FIBCD1: variants seen among roughly 807,000 people sequenced by gnomAD.
FIBCD1 encodes the protein fibrinogen C domain-containing protein 1.
A neutral mutation model predicts 45.1 loss-of-function variants in FIBCD1; 47 were observed. The observed-to-expected ratio is 1.04, with a 90% CI of 0.82 to 1.33. The LOEUF (loss-of-function observed/expected upper bound fraction) is 1.33. FIBCD1 is among the 40% of genes most tolerant of loss of function. FIBCD1 has a pLI of 0.00. For synonymous variants in FIBCD1, 313 were observed against 308.1 expected, an observed-to-expected ratio of 1.02 and a Z score of -0.17; for missense variants, 653 against 682.2, an observed-to-expected ratio of 0.96 and a Z score of 0.48.
At chr9:130,917,463 TGACAGCTCTGGACGC>T (rs1564336504) in intron 4 of FIBCD1, among the ~76,000 whole-genome samples, 68 of 147,708 alleles carry the variant, frequency 4.6e-4, no homozygotes, top group African/African-American at 1.8e-3. Context: ...GAGGAAGGAG[TGACAGCTCTGGACGC>T]GGAGGAAGGA....
At chr9:130,927,378 C>T (rs1832378750) in intron 2 of FIBCD1, among the ~76,000 whole-genome samples, 1 of 152,176 alleles carries the variant, frequency 6.6e-6, no homozygotes, top group Non-Finnish European at 1.5e-5. Flanking sequence ...GAGTATCCCC[C>T]ACGTGACAGA....
At chr9:130,932,805 C>T (rs933801424) in intron 1 of FIBCD1, among the ~76,000 whole-genome samples, 1 of 152,222 alleles carries the variant, frequency 6.6e-6, no homozygotes, top group Non-Finnish European at 1.5e-5. Flanking sequence ...GATTTCCTTC[C>T]CTGCCTAAAG....
chr9:130,926,126 C>CG lies in FIBCD1; in HGVS notation c.553-1731dup, dbSNP rs1403278577. On this transcript the variant is annotated intron_variant, in intron 2 of 6. Coordinates refer to ENST00000372338, the MANE Select transcript of FIBCD1 (RefSeq NM_032843.5). The surrounding 1 kb of genome is among the most constrained non-coding windows in gnomAD (Gnocchi z 4.1). ...AGGGACACAGGCAGCACACCCCAAC[C>CG]GGGGCAGGAGGGAAGACGGTAGGTG... Among the ~76,000 whole-genome samples the CG allele has an allele frequency of 6.6e-6, 1 of 152,162 alleles. No homozygotes were observed. Among genetic ancestry groups the CG allele is most frequent in the East Asian group, 1.9e-4 (1 of 5,190 alleles).
intron 4 of FIBCD1, among the ~76,000 whole-genome samples, chr9:130,916,075 C>A (rs968868845): frequency 6.6e-6 from 1 of 152,176 alleles, no homozygotes; most frequent in Non-Finnish European, 1.5e-5. Flanking sequence ...ATTACAGGCA[C>A]CTGCCACCAT....
rs780268824 is a variant in FIBCD1 at position 130,911,800 on chromosome 9, T to G, written c.938A>C (p.His313Pro). 2.0e-5 allele frequency: 32 copies of G among 1,599,880 alleles called. No homozygotes were observed. The highest frequency in any genetic ancestry group is 2.7e-5 in the Non-Finnish European group (32 of 1,174,512). ...GTGGGTGGGGTGCTCACCTAGCCAG[T>G]GCTCCCCGGTGAGCCTGCCAAAGCC... ...RDGFGRLTGE[H>P]WLGLKRIHAL... The change falls in exon 5 of 7, where the codon CAC (histidine) becomes CCC (proline). Residue 313 changes from histidine (H) to proline (P), a missense_variant. Transcript: ENST00000372338.
intron 2 of FIBCD1, among the ~76,000 whole-genome samples, chr9:130,925,741 A>C (rs371858130): frequency 5.1e-4 from 77 of 152,174 alleles, no homozygotes; most frequent in African/African-American, 1.8e-3. Flanking sequence ...CCTGGGCTTC[A>C]GGAGGCTGCA....
At chr9:130,923,609 G>T in intron 4 of FIBCD1, 135 bp downstream of exon 4, 1 of 1,349,674 alleles carries the variant, frequency 7.4e-7, no homozygotes, top group Non-Finnish European at 1.0e-6. Context: ...AGGCAGAAGG[G>T]CACCAGGGCA....
chr9:130,929,875 C>T lies in FIBCD1; in HGVS notation c.244G>A (p.Val82Met), dbSNP rs1190833775. ...AASANSALVT[V>M]ERADSSHLSI... Reference sequence around the variant, plus strand: ...AGGTGCGAGCTGTCCGCCCTTTCCACAGTGACCAGGGCGCTGTTGGCGCTG... The same window carrying T: ...AGGTGCGAGCTGTCCGCCCTTTCCATAGTGACCAGGGCGCTGTTGGCGCTG... The change falls in exon 2 of 7, where the codon GTG becomes ATG. Residue 82 changes from valine to methionine, a missense_variant. Physicochemically the swap from Val to Met is conservative, Grantham distance 21. Coordinates refer to ENST00000372338, the MANE Select transcript of FIBCD1 (RefSeq NM_032843.5). 9 of 1,549,764 alleles carry T rather than the reference C, an allele frequency of 5.8e-6. No homozygotes were observed. The highest frequency in any genetic ancestry group is 3.9e-5 in the Admixed American group (2 of 50,996).
chr9:130,919,589 G>A (rs998699357), intron 4 of FIBCD1, among the ~76,000 whole-genome samples: 1 of 152,204 alleles, frequency 6.6e-6, no homozygotes, highest in African/African-American at 2.4e-5. Flanking sequence ...CTCCATGTGA[G>A]GGCAGGATTT....
At chr9:130,917,125 G>C (rs1379999077) in intron 4 of FIBCD1, among the ~76,000 whole-genome samples, 1 of 150,238 alleles carries the variant, frequency 6.7e-6, no homozygotes, top group African/African-American at 2.4e-5. Flanking sequence ...AATGGAGGCG[G>C]GGAGCAAAAG....
At chr9:130,911,341 C>T (rs1357537222) in intron 5 of FIBCD1, among the ~76,000 whole-genome samples, 4 of 152,110 alleles carry the variant, frequency 2.6e-5, no homozygotes, top group African/African-American at 9.7e-5. Flanking sequence ...ACCAAGAACC[C>T]ACCAATTCTG....
At chr9:130,920,660 C>T (rs1013434673) in intron 4 of FIBCD1, among the ~76,000 whole-genome samples, 4 of 151,886 alleles carry the variant, frequency 2.6e-5, no homozygotes, top group Admixed American at 2.6e-4. Context: ...GCCTGAGGAC[C>T]ACCTGCCGCC....
intron 5 of FIBCD1, among the ~76,000 whole-genome samples, chr9:130,911,582 C>T (rs765572166): frequency 6.6e-6 from 1 of 152,220 alleles, no homozygotes; most frequent in African/African-American, 2.4e-5. Flanking sequence ...ACTGGGAGCC[C>T]ACCCACGCTG....
At chr9:130,939,718 C>T (rs1305396693), upstream of FIBCD1, among the ~76,000 whole-genome samples, 1 of 152,138 alleles carries the variant, frequency 6.6e-6, no homozygotes, top group African/African-American at 2.4e-5. Flanking sequence ...CCCGCCTTCT[C>T]CTCCGCCGGG....
intron 1 of FIBCD1, among the ~76,000 whole-genome samples, chr9:130,937,436 C>T (rs903387449): frequency 6.6e-6 from 1 of 152,202 alleles, no homozygotes; most frequent in Admixed American, 6.5e-5. Context: ...GAGGTAGTGC[C>T]GATGAATGGG....
At position 130,919,718 on chromosome 9, in the gene FIBCD1, G is replaced by A. The variant is rs148332096; in HGVS notation, c.849+4026C>T. On this transcript the variant is annotated intron_variant, in intron 4 of 6. Transcript: ENST00000372338. ...AAAGGAAGCACCTGGCGGAGAACAGGGCTGCAAAGAACAGGGTTTGGGCCA... is the reference window on the plus strand; with the variant it reads ...AAAGGAAGCACCTGGCGGAGAACAGAGCTGCAAAGAACAGGGTTTGGGCCA... 7.1e-3 allele frequency among the ~76,000 whole-genome samples: 1,080 copies of A among 152,346 alleles called. 4 individuals are homozygous for A. The highest frequency in any genetic ancestry group is 0.01 in the Admixed American group (158 of 15,308).
chr9:130,929,689 G>C lies in FIBCD1; in HGVS notation c.430C>G (p.Leu144Val). Residue 144 changes from leucine to valine, a missense_variant, in exon 2 of 7, where the codon CTG becomes GTG. Physicochemically the swap from Leu to Val is conservative, Grantham distance 32. Coordinates refer to ENST00000372338, the MANE Select transcript of FIBCD1 (RefSeq NM_032843.5). ...GAGGCTCGGGCCAGCAGCCGGGGCAGCTGGTCGGCCAGCGTGTCCAGCAGC... is the reference window on the plus strand; with the variant it reads ...GAGGCTCGGGCCAGCAGCCGGGGCACCTGGTCGGCCAGCGTGTCCAGCAGC... Reference protein sequence around the residue: ...QELLDTLADQLPRLLARASEL... With the variant: ...QELLDTLADQVPRLLARASEL... 6.2e-7 allele frequency: 1 copy of C among 1,603,708 alleles called. No individual in the cohort carries two copies. Among genetic ancestry groups the C allele is most frequent in the Non-Finnish European group, 8.5e-7 (1 of 1,175,972 alleles).
In FIBCD1 at chr9:130,923,724, G is replaced by A. The variant is rs377640268; in HGVS notation, c.849+20C>T. ...GTCCCCGGTGCCTGCCCTGCCGCCC[G>A]CCCAGCCTGGGACACTCACCGTCCA... On this transcript the variant is annotated intron_variant, in intron 4 of 6. Transcript: ENST00000372338. 1.8e-4 allele frequency: 287 copies of A among 1,609,798 alleles called. No homozygotes were observed. The highest frequency in any genetic ancestry group is 2.2e-4 in the Non-Finnish European group (260 of 1,179,310).
chr9:130,914,170 C>T (rs774735681), intron 4 of FIBCD1, among the ~76,000 whole-genome samples: 2 of 152,188 alleles, frequency 1.3e-5, no homozygotes, highest in African/African-American at 2.4e-5. Flanking sequence ...CAGGCCTGGG[C>T]GAGGGCTCCT....
Sources: allele counts gnomAD v4.1 joint callset (sites outside exome capture counted in the v4.1 genomes callset), GRCh38; gene constraint gnomAD v4.1.1; non-coding constraint Gnocchi (gnomAD v3.1); transcripts MANE v1.5; gene names NCBI Gene and HGNC (gene_info 2026-07-23, HGNC 2026-07-21).